Variants in ACTR3C observed in about 807,000 individuals in gnomAD.
The protein encoded by ACTR3C is actin-related protein 3C.
A neutral mutation model predicts 26.3 loss-of-function variants in ACTR3C; 18 were observed. The ratio of observed to expected loss-of-function variants is 0.68; its 90% CI spans 0.47 to 1.01. The LOEUF (loss-of-function observed/expected upper bound fraction) is 1.01. ACTR3C is among the 50% of genes least tolerant of loss of function. The pLI, the probability that ACTR3C is intolerant of heterozygous loss-of-function variation, is 0.00. For synonymous variants in ACTR3C, 55 were observed against 94.5 expected (o/e 0.58, Z 2.42); for missense variants, 184 against 250.7 (o/e 0.73, Z 1.80).
At chr7:150,187,407 C>T in the ACTR3C span, among the ~76,000 whole-genome samples, 1 of 151,810 alleles carries the variant, frequency 6.6e-6, no homozygotes, top group Non-Finnish European at 1.5e-5. Context: ...CTACCATTGA[C>T]ATCTTGTACA....
the ACTR3C span, among the ~76,000 whole-genome samples, chr7:150,202,293 G>A: frequency 6.6e-6 from 1 of 152,186 alleles, no homozygotes; most frequent in South Asian, 2.1e-4. Flanking sequence ...AAATGTGTGA[G>A]CCAGGAAATA....
the ACTR3C span, among the ~76,000 whole-genome samples, chr7:149,950,105 A>G: frequency 0.45 from 66,109 of 145,674 alleles, 16,631 homozygotes; most frequent in South Asian, 0.55. Context: ...CCTGTATTTT[A>G]TAGTGTGTTA....
chr7:150,119,682 T>C, the ACTR3C span, among the ~76,000 whole-genome samples: 1 of 152,022 alleles, frequency 6.6e-6, no homozygotes, highest in Non-Finnish European at 1.5e-5. Flanking sequence ...CAAGGAGACA[T>C]AAAATTAACA....
the ACTR3C span, among the ~76,000 whole-genome samples, chr7:149,899,223 A>G: frequency 1.3e-5 from 2 of 152,010 alleles, no homozygotes; most frequent in African/African-American, 2.4e-5. Context: ...AAAAACCAGT[A>G]ACATCTCAAC....
chr7:150,164,081 G>A, the ACTR3C span, among the ~76,000 whole-genome samples: 2 of 152,186 alleles, frequency 1.3e-5, no homozygotes, highest in Middle Eastern at 3.4e-3. Flanking sequence ...GGACGCCCAC[G>A]TGTCTTGACC....
At chr7:150,242,276 T>A (rs1433033861), downstream of ACTR3C, among the ~76,000 whole-genome samples, 1 of 150,802 alleles carries the variant, frequency 6.6e-6, no homozygotes, top group Non-Finnish European at 1.5e-5. Context: ...TACTACTCAT[T>A]GACTGAAAAA....
the ACTR3C span, chr7:150,040,775 G>C: frequency 6.8e-6 from 1 of 146,370 alleles, no homozygotes; most frequent in African/African-American, 2.7e-5. Flanking sequence ...GGGAAGAGGG[G>C]CTGGCTCTCA....
chr7:149,996,414 T>C, the ACTR3C span, among the ~76,000 whole-genome samples: 2 of 150,008 alleles, frequency 1.3e-5, no homozygotes, highest in East Asian at 3.9e-4. Flanking sequence ...ACAAAATTGC[T>C]ATTCAGGAGC....
At chr7:150,086,447 A>G in the ACTR3C span, among the ~76,000 whole-genome samples, 3 of 152,196 alleles carry the variant, frequency 2.0e-5, no homozygotes, top group Non-Finnish European at 4.4e-5. Flanking sequence ...TTTTGGGCTC[A>G]GTCAGAAATT....
the ACTR3C span, among the ~76,000 whole-genome samples, chr7:150,228,152 C>G: frequency 9.9e-5 from 15 of 152,208 alleles, no homozygotes; most frequent in South Asian, 2.1e-4. Flanking sequence ...CTATCATTCT[C>G]GATATTGAGC....
chr7:150,055,140 G>A, the ACTR3C span, among the ~76,000 whole-genome samples: 2 of 152,232 alleles, frequency 1.3e-5, no homozygotes, highest in Admixed American at 1.3e-4. Flanking sequence ...CTTTCAAAGA[G>A]TTGTTTCTGG....
At chr7:150,091,899 A>G in the ACTR3C span, among the ~76,000 whole-genome samples, 5 of 139,036 alleles carry the variant, frequency 3.6e-5, no homozygotes, top group African/African-American at 1.3e-4. Context: ...GAGGCAGGAG[A>G]ATGGCGTGAA....
At chr7:150,035,119 G>A in the ACTR3C span, among the ~76,000 whole-genome samples, 1 of 139,002 alleles carries the variant, frequency 7.2e-6, no homozygotes, top group African/African-American at 2.7e-5. Context: ...AGTCCTCCAG[G>A]TAGGTCCTAA....
At chr7:150,199,512 G>C in the ACTR3C span, among the ~76,000 whole-genome samples, 4 of 110,272 alleles carry the variant, frequency 3.6e-5, no homozygotes, top group South Asian at 1.2e-3. Flanking sequence ...AGAGACCTTT[G>C]TTCACTTGTT....
At chr7:149,950,559 C>T in the ACTR3C span, among the ~76,000 whole-genome samples, 72 of 151,868 alleles carry the variant, frequency 4.7e-4, no homozygotes, top group African/African-American at 1.5e-3. Flanking sequence ...TTTCAGTTGG[C>T]CCCTGAACCA....
At chr7:150,225,601 G>T in the ACTR3C span, among the ~76,000 whole-genome samples, 1 of 152,176 alleles carries the variant, frequency 6.6e-6, no homozygotes, top group East Asian at 1.9e-4. Context: ...AGTTTCTTTT[G>T]ACTGTGTCTT....
At chr7:149,931,959 C>T in the ACTR3C span, among the ~76,000 whole-genome samples, 1 of 152,144 alleles carries the variant, frequency 6.6e-6, no homozygotes, top group Non-Finnish European at 1.5e-5. Context: ...ACCCAGTTTC[C>T]TTTAAAAGTA....
the ACTR3C span, among the ~76,000 whole-genome samples, chr7:149,885,096 G>T: frequency 6.6e-6 from 1 of 152,094 alleles, no homozygotes; most frequent in African/African-American, 2.4e-5. Flanking sequence ...TTACCCACCA[G>T]ATGCTAGCAG....
At chr7:149,966,482 C>T in the ACTR3C span, among the ~76,000 whole-genome samples, 1 of 152,334 alleles carries the variant, frequency 6.6e-6, no homozygotes, top group Admixed American at 6.5e-5. Context: ...CCTGCTTTGA[C>T]CTTCTTCCAA....
Sources: gnomAD v4.1 joint callset for allele counts (sites outside exome capture counted in the v4.1 genomes callset) on GRCh38, gnomAD v4.1.1 for gene constraint, MANE v1.5 for transcripts, NCBI Gene and HGNC (gene_info 2026-07-23, HGNC 2026-07-21) for gene names.